Variants in SCN3A observed in about 807,000 individuals in gnomAD.
SCN3A encodes sodium channel protein type 3 subunit alpha.
Under a neutral mutation model 187.6 loss-of-function variants are expected in SCN3A, and 60 were observed. The ratio of observed to expected loss-of-function variants is 0.32; its 90% CI spans 0.26 to 0.40. The LOEUF (loss-of-function observed/expected upper bound fraction) is 0.40. Among genes scored for constraint, SCN3A ranks in the 10% least tolerant of loss-of-function variants. The pLI, the probability that SCN3A is intolerant of heterozygous loss-of-function variation, is 1.00. For synonymous variants in SCN3A, 788 were observed against 829.2 expected, an observed-to-expected ratio of 0.95 and a Z score of 0.85; for missense variants, 1,601 against 2,428.2, an observed-to-expected ratio of 0.66 and a Z score of 7.16.
chr2:165,156,451 T>G (rs1193284354), intron 9 of SCN3A, among the ~76,000 whole-genome samples: 1 of 124,094 alleles, frequency 8.1e-6, no homozygotes, highest in Admixed American at 1.1e-4. Context: ...AGGTGGAGCT[T>G]GCAGTGAGCC....
intron 12 of SCN3A, among the ~76,000 whole-genome samples, chr2:165,146,492 C>A (rs1688344956): frequency 7.0e-6 from 1 of 143,146 alleles, no homozygotes. Context: ...TTATATATAT[C>A]TATATATTAT....
In SCN3A at chr2:165,176,188, A is replaced by G. The variant is rs754282083; in HGVS notation, c.207T>C (p.Pro69=). The change falls in exon 3 of 28, where the codon CCT becomes CCC. Residue 69 remains proline (P), a synonymous_variant. Transcript: ENST00000283254. ...KNLPFIYGDI[P]PEMVSEPLED... ...CCAGGGGCTCTGACACCATCTCTGG[A>G]GGAATGTCTCCATAAATAAATGGAA... The G allele has an allele frequency of 6.2e-7, 1 of 1,613,970 alleles. No homozygotes were observed. The highest frequency in any genetic ancestry group is 2.2e-5 in the East Asian group (1 of 44,898).
At chr2:165,177,259 G>T (rs1690526686) in intron 2 of SCN3A, among the ~76,000 whole-genome samples, 8 of 152,120 alleles carry the variant, frequency 5.3e-5, no homozygotes, top group Non-Finnish European at 1.5e-5. Context: ...GTGGTTAAAA[G>T]CATGGACTCA....
chr2:165,104,273 G>C (rs1232851670), intron 21 of SCN3A, among the ~76,000 whole-genome samples: 1 of 151,908 alleles, frequency 6.6e-6, no homozygotes, highest in Admixed American at 6.6e-5. Context: ...AGTAATTAAA[G>C]CTGTTATATT....
intron 21 of SCN3A, among the ~76,000 whole-genome samples, chr2:165,109,892 C>T (rs1686036414): frequency 6.6e-6 from 1 of 152,130 alleles, no homozygotes; most frequent in African/African-American, 2.4e-5. Flanking sequence ...CTACCACTCT[C>T]ACTCATGTTT....
Position 165,164,522 on chromosome 2 carries a change from T to C in SCN3A, c.474-2A>G. 6.2e-7 allele frequency: 1 copy of C among 1,613,540 alleles called. No individual in the cohort carries two copies. Among genetic ancestry groups the C allele is most frequent in the Non-Finnish European group, 8.5e-7 (1 of 1,179,628 alleles). On this transcript the variant is annotated splice_acceptor_variant, in intron 5 of 27. Coordinates refer to ENST00000283254, the MANE Select transcript of SCN3A (RefSeq NM_006922.4). LOFTEE classifies it high-confidence loss of function. ...GTATAGATTCCAGTGAATGTGTACC[T>C]AGGAAAAACATCCAAGCCAAAATTA...
chr2:165,106,250 G>A (rs2105683668), intron 21 of SCN3A, among the ~76,000 whole-genome samples: 1 of 152,190 alleles, frequency 6.6e-6, no homozygotes, highest in Non-Finnish European at 1.5e-5. Flanking sequence ...CTTTGAATCA[G>A]GTGATCTCTC....
intron 3 of SCN3A, among the ~76,000 whole-genome samples, chr2:165,172,877 A>G (rs1016047787): frequency 3.9e-5 from 6 of 152,308 alleles, no homozygotes; most frequent in Admixed American, 6.5e-5. Flanking sequence ...CACAAAGAGA[A>G]CCCTGAGTTC....
chr2:165,203,518 A>C (rs1216510344), intron 1 of SCN3A, among the ~76,000 whole-genome samples: 2 of 152,062 alleles, frequency 1.3e-5, no homozygotes, highest in African/African-American at 4.8e-5. Context: ...AACTCATTAG[A>C]CTAGCTTTAA....
At chr2:165,131,201 AATGTTGTGCC>A in intron 16 of SCN3A, 33 bp downstream of exon 16, 1 of 1,297,258 alleles carries the variant, frequency 7.7e-7, no homozygotes, top group Non-Finnish European at 1.0e-6. Context: ...TTTCAAAATA[AATGTTGTGCC>A]AATGAGCGAC....
At chr2:165,110,260 T>C (rs1010550546) in intron 21 of SCN3A, among the ~76,000 whole-genome samples, 3 of 152,238 alleles carry the variant, frequency 2.0e-5, no homozygotes, top group African/African-American at 4.8e-5. Context: ...ATTTCTCCTT[T>C]GTCTTGAATG....
chr2:165,111,323 G>A (rs78505939), intron 21 of SCN3A, among the ~76,000 whole-genome samples: 4 of 152,044 alleles, frequency 2.6e-5, no homozygotes, highest in Non-Finnish European at 5.9e-5. Flanking sequence ...CAAGAAGAGC[G>A]AAACTCCGTC....
chr2:165,125,109 A>T (rs763077088), intron 18 of SCN3A, among the ~76,000 whole-genome samples: 1 of 152,154 alleles, frequency 6.6e-6, no homozygotes, highest in Non-Finnish European at 1.5e-5. Flanking sequence ...ATAATCTGCA[A>T]TGATAACCCT....
chr2:165,142,083 C>T (rs1414827666), intron 12 of SCN3A, among the ~76,000 whole-genome samples: 1 of 152,046 alleles, frequency 6.6e-6, no homozygotes, highest in East Asian at 1.9e-4. Context: ...TTTGTTTTCT[C>T]CCCTCATCAT....
In SCN3A at chr2:165,088,298, A is replaced by G. The variant is rs1684927664; in HGVS notation, c.*1852T>C. On this transcript the variant is annotated 3_prime_UTR_variant, in exon 28 of 28. Transcript: ENST00000283254. ...AAACTTTTGGTTTGTGCAAAAAACA[A>G]AAATTTATATCATGTTAGGTAATTG... 1 of 152,538 alleles carries G rather than the reference A, an allele frequency of 6.6e-6. No homozygotes were observed. Among genetic ancestry groups the G allele is most frequent in the Admixed American group, 6.5e-5 (1 of 15,280 alleles). 9.4% of individuals were successfully genotyped at this position (152,538 alleles called of 1,614,324 possible).
chr2:165,181,607 T>C (rs1333173369), intron 2 of SCN3A, among the ~76,000 whole-genome samples: 1 of 152,222 alleles, frequency 6.6e-6, no homozygotes, highest in Non-Finnish European at 1.5e-5. Context: ...AATTTTGACA[T>C]TGACAACAAA....
chr2:165,162,458 G>T, intron 8 of SCN3A, 87 bp from the exon 9 acceptor site: 1 of 1,592,618 alleles, frequency 6.3e-7, no homozygotes, highest in South Asian at 1.1e-5. Flanking sequence ...GACTATTTCA[G>T]TTATTTACAA....
intron 11 of SCN3A, among the ~76,000 whole-genome samples, chr2:165,147,843 T>C (rs1206783797): frequency 1.3e-5 from 2 of 152,120 alleles, no homozygotes; most frequent in South Asian, 2.1e-4. Flanking sequence ...AGGTGAAACA[T>C]GGCAAATAGT....
chr2:165,134,297 C>A (rs1043090236), intron 15 of SCN3A, among the ~76,000 whole-genome samples: 15 of 152,186 alleles, frequency 9.9e-5, no homozygotes, highest in African/African-American at 3.6e-4. Flanking sequence ...TGCAGAAAAT[C>A]TTTTAAAGCA....
Sources: gnomAD v4.1 joint callset for allele counts (sites outside exome capture counted in the v4.1 genomes callset) on GRCh38, gnomAD v4.1.1 for gene constraint, MANE v1.5 for transcripts, NCBI Gene and HGNC (gene_info 2026-07-23, HGNC 2026-07-21) for gene names.